Variants in NCL observed in about 807,000 individuals in gnomAD.
The protein encoded by NCL is nucleolin multifunctional protein.
Under a neutral mutation model 77.7 loss-of-function variants are expected in NCL, and 4 were observed. That is an observed-to-expected ratio of 0.05 (90% CI 0.03 to 0.12). The LOEUF (loss-of-function observed/expected upper bound fraction) is 0.12. Ranked by LOEUF, NCL falls within the 10% of genes least tolerant of loss-of-function variation. NCL has a pLI of 1.00. For synonymous variants in NCL, 344 were observed against 297.8 expected, an observed-to-expected ratio of 1.16 and a Z score of -1.60; for missense variants, 763 against 860.9, an observed-to-expected ratio of 0.89 and a Z score of 1.42.
chr2:231,458,735 G>A (rs370293344), intron 7 of NCL: 15 of 424,414 alleles, frequency 3.5e-5, no homozygotes, highest in Admixed American at 8.3e-5. Context: ...ATCCCTTTAC[G>A]TTAATTTAGG....
Position 231,462,006 on chromosome 2 carries a change from A to G in NCL, c.147T>C (p.Pro49=), listed in dbSNP as rs764910440. The change falls in exon 3 of 14, where the codon CCT becomes CCC. Residue 49 remains proline (P), a synonymous_variant. Coordinates refer to ENST00000322723, the MANE Select transcript of NCL (RefSeq NM_005381.3). ...DDSSGEEVVI[P]QKKGKKAAAT... is the part of the protein sequence containing the mutation. Reference sequence around the variant, plus strand: ...CAGCAGCCTTCTTGCCTTTCTTCTGAGGTATGACGACCTTGAGAATAAATG... The same window carrying G: ...CAGCAGCCTTCTTGCCTTTCTTCTGGGGTATGACGACCTTGAGAATAAATG... 19 of 1,613,916 alleles carry G rather than the reference A, an allele frequency of 1.2e-5. No individual in the cohort carries two copies. Among genetic ancestry groups the G allele is most frequent in the Non-Finnish European group, 1.5e-5 (18 of 1,180,014 alleles).
At chr2:231,463,537 G>A (rs971124725) in intron 1 of NCL, 4 of 527,762 alleles carry the variant, frequency 7.6e-6, no homozygotes, top group East Asian at 3.5e-5. Context: ...CAGAAAACCT[G>A]CCCTAAGGTA....
At chr2:231,460,595 A>G (rs1242766225) in intron 4 of NCL, 31 bp from the exon 5 acceptor site, 1 of 1,614,080 alleles carries the variant, frequency 6.2e-7, no homozygotes, top group East Asian at 2.2e-5. Flanking sequence ...TGTATCACAC[A>G]TCAGTAGCCA....
chr2:231,463,723 T>C (rs13383220), intron 1 of NCL: 7,311 of 180,720 alleles, frequency 0.04, 508 homozygotes, highest in African/African-American at 0.15. Flanking sequence ...ATGAAGCTTA[T>C]GCCTTTCCCA....
At chr2:231,462,839 G>C (rs1367160784) in intron 2 of NCL, among the ~76,000 whole-genome samples, 3 of 152,176 alleles carry the variant, frequency 2.0e-5, no homozygotes, top group African/African-American at 7.2e-5. Context: ...TTTAATTGGA[G>C]GCTAGGAAAG....
At chr2:231,464,049 A>G (rs2046977251) in intron 1 of NCL, 8 of 1,185,002 alleles carry the variant, frequency 6.8e-6, no homozygotes, top group South Asian at 4.3e-5. Flanking sequence ...ACGCGTCGCA[A>G]AAGTTTGGTC....
At chr2:231,455,289 CTG>C (rs747504641) in intron 13 of NCL, 22 bp from the exon 14 acceptor site, 2 of 1,614,116 alleles carry the variant, frequency 1.2e-6, no homozygotes, top group Admixed American at 1.7e-5. Flanking sequence ...AGGCAAGACA[CTG>C]TTAAAAGAAT....
At chr2:231,455,892 C>T (rs776625710) in intron 12 of NCL, 118 bp downstream of exon 12, 3 of 1,497,682 alleles carry the variant, frequency 2.0e-6, no homozygotes, top group Non-Finnish European at 2.8e-6. Context: ...TCGTGCGAAT[C>T]CATAAACTGC....
Position 231,463,182 on chromosome 2 carries a change from T to C in NCL, c.135+18A>G, listed in dbSNP as rs1266613689. ...TTGTAGTTTTAACATAATTCTGCAT[T>C]AAGTTGGATAAAATTACCTCTTCTC... On this transcript the variant is annotated intron_variant, in intron 2 of 13. Coordinates refer to ENST00000322723, the MANE Select transcript of NCL (RefSeq NM_005381.3). The C allele has an allele frequency of 2.6e-6, 4 of 1,521,844 alleles. No individual in the cohort carries two copies. The South Asian group carries it at 4.7e-5, about 18-fold the overall frequency. 94.3% of individuals were successfully genotyped at this position (1,521,844 alleles called of 1,614,324 possible). A position where few individuals can be genotyped will look rare whatever the true frequency, so the allele number is the denominator to read the frequency against.
rs751465235 is a variant in NCL, at chr2:231,461,285, T to TA, written c.613+254_613+255insT. Among the ~76,000 whole-genome samples the TA allele has an allele frequency of 6.2e-3, 836 of 135,100 alleles. 7 individuals carry two copies. Among genetic ancestry groups the TA allele is most frequent in the Non-Finnish European group, 8.9e-3 (556 of 62,164 alleles). The allele number at this position is 135,100 out of a possible 152,430, so 88.6% of individuals were successfully genotyped here. A position where few individuals can be genotyped will look rare whatever the true frequency, so the allele number is the denominator to read the frequency against. ...AGCAAAAGCTCCATCTCAAAAAAAT[T>TA]TAAAAAAAAAAAAAATCACTTAGAA... On this transcript the variant is annotated intron_variant, in intron 3 of 13. Transcript: ENST00000322723.
chr2:231,462,885 TGCCCAGCTCTAC>T, intron 2 of NCL: 3 of 81,708 alleles, frequency 3.7e-5, no homozygotes, highest in African/African-American at 1.6e-4. Context: ...CTGAATACAA[TGCCCAGCTCTAC>T]ATGTGGGGGT....
At chr2:231,460,111 T>G in intron 6 of NCL, 41 bp downstream of exon 6, 1 of 1,580,720 alleles carries the variant, frequency 6.3e-7, no homozygotes, top group Non-Finnish European at 8.6e-7. Flanking sequence ...GGAAAAGCAT[T>G]AACAGACCCA....
rs200431406 is a variant in NCL, at chr2:231,460,509, T to C, written c.867A>G (p.Ala289=). ...KRKKEMAKQK[A]APEAKKQKVE... is the part of the protein sequence containing the mutation. ...CTTTCTGTTTCTTGGCTTCAGGAGC[T>C]GCTTTCTGTTTGGCCATTTCCTTCT... Residue 289 remains alanine (A), a synonymous_variant, in exon 5 of 14, where the codon GCA becomes GCG. Coordinates refer to ENST00000322723, the MANE Select transcript of NCL (RefSeq NM_005381.3). 61 of 1,614,248 alleles carry C rather than the reference T, an allele frequency of 3.8e-5. No homozygotes were observed. The highest frequency in any genetic ancestry group is 1.5e-4 in the South Asian group (14 of 91,090).
intron 13 of NCL, 40 bp from the exon 14 acceptor site, chr2:231,455,307 C>T: frequency 6.2e-7 from 1 of 1,613,854 alleles, no homozygotes; most frequent in Non-Finnish European, 8.5e-7. Flanking sequence ...AGAATGGGTA[C>T]AAAGCTCCTC....
rs201409564 is a variant in NCL, at chr2:231,454,846, C to CAAAAAAAAAAAAAAAAAAAAAAAAAAAAA, written c.*344_*345insTTTTTTTTTTTTTTTTTTTTTTTTTTTTT. On this transcript the variant is annotated 3_prime_UTR_variant, in exon 14 of 14. Coordinates refer to ENST00000322723, the MANE Select transcript of NCL (RefSeq NM_005381.3). The stretch of plus-strand genomic sequence containing the variant: ...CTTTTCTTTTACAACCCCACGAACG[C>CAAAAAAAAAAAAAAAAAAAAAAAAAAAAA]AAAAAAAAAAAAAACAAAAACAAAA... 1 of 96,328 alleles carries CAAAAAAAAAAAAAAAAAAAAAAAAAAAAA rather than the reference C, an allele frequency of 1.0e-5. No individual in the cohort carries two copies. Among genetic ancestry groups the CAAAAAAAAAAAAAAAAAAAAAAAAAAAAA allele is most frequent in the Non-Finnish European group, 2.3e-5 (1 of 44,126 alleles). The allele number at this position is 96,328 out of a possible 1,614,324, so 6.0% of individuals were successfully genotyped here. A position where few individuals can be genotyped will look rare whatever the true frequency, so the allele number is the denominator to read the frequency against.
At chr2:231,458,754 A>G (rs760350247) in intron 7 of NCL, 7 of 446,358 alleles carry the variant, frequency 1.6e-5, no homozygotes, top group South Asian at 1.2e-4. Flanking sequence ...GGTGCATCTA[A>G]TAATTCTTGT....
chr2:231,463,895 G>C (rs1241949440), intron 1 of NCL: 1 of 178,358 alleles, frequency 5.6e-6, no homozygotes, highest in Non-Finnish European at 1.2e-5. Context: ...TCCGAGCGCA[G>C]CCGGGACTCC....
chr2:231,460,424 T>C, intron 5 of NCL, 54 bp downstream of exon 5: 10 of 1,589,998 alleles, frequency 6.3e-6, no homozygotes, highest in Non-Finnish European at 8.6e-6. Context: ...GTCCCTTTGT[T>C]ATTCATCATT....
At chr2:231,459,222 A>G in intron 6 of NCL, 97 bp from the exon 7 acceptor site, 1 of 1,332,380 alleles carries the variant, frequency 7.5e-7, no homozygotes, top group African/African-American at 1.5e-5. Context: ...GCAAACAAAG[A>G]TCACATTTTA....
Sources: allele counts gnomAD v4.1 joint callset (sites outside exome capture counted in the v4.1 genomes callset), GRCh38; gene constraint gnomAD v4.1.1; transcripts MANE v1.5; gene names NCBI Gene and HGNC (gene_info 2026-07-23, HGNC 2026-07-21).